The following PKHD1L1 variants were observed in gnomAD, a reference collection of about 807,000 sequenced individuals.
PKHD1L1 encodes the protein fibrocystin-L.
Under a neutral mutation model 462.9 loss-of-function variants are expected in PKHD1L1, and 434 were observed. The ratio of observed to expected loss-of-function variants is 0.94; its 90% CI spans 0.87 to 1.02. PKHD1L1 has a LOEUF of 1.02. Among genes scored for constraint, PKHD1L1 ranks in the 50% least tolerant of loss-of-function variants. The probability of loss-of-function intolerance (pLI) is 0.00; values close to 1 mark genes in which losing one functional copy is unlikely to be tolerated. For missense variants in PKHD1L1, 5,202 were observed against 5,096.1 expected (o/e 1.02, Z -0.63); for synonymous variants, 1,781 against 1,750.0 (o/e 1.02, Z -0.44).
chr8:109,373,808 A>G (rs554242521), intron 2 of PKHD1L1, among the ~76,000 whole-genome samples: 1 of 151,972 alleles, frequency 6.6e-6, no homozygotes, highest in Non-Finnish European at 1.5e-5. Context: ...CATGTAGTTG[A>G]GTGGTTTTGA....
intron 73 of PKHD1L1, among the ~76,000 whole-genome samples, 168 bp downstream of exon 73, chr8:109,518,676 C>T (rs949713751): frequency 1.6e-4 from 24 of 152,126 alleles, no homozygotes; most frequent in African/African-American, 5.1e-4. Context: ...CCTGTACTAC[C>T]AAACTGTTTT....
chr8:109,370,858 A>G (rs1178016264), intron 2 of PKHD1L1, among the ~76,000 whole-genome samples: 1 of 152,192 alleles, frequency 6.6e-6, no homozygotes, highest in Non-Finnish European at 1.5e-5. Context: ...TTATGGCTGC[A>G]TAGTATTCCA....
intron 68 of PKHD1L1, among the ~76,000 whole-genome samples, chr8:109,506,072 AT>A (rs1410277250): frequency 6.6e-6 from 1 of 152,186 alleles, no homozygotes; most frequent in East Asian, 1.9e-4. Flanking sequence ...ATTAGCTCTT[AT>A]TTAGTTGTCA....
Position 109,491,091 on chromosome 8 carries a change from A to G in PKHD1L1, c.10104A>G (p.Thr3368=). Residue 3368 remains threonine, a synonymous_variant, in exon 61 of 78, where the codon ACA becomes ACG. Coordinates refer to ENST00000378402, the MANE Select transcript of PKHD1L1 (RefSeq NM_177531.6). ...TAGATGACAACATCATTCACTTTAC[A>G]GTGGGGGAAGGTAATATAATAATAT... ...LDIDDNIIHF[T]VGEGIRIWGN... 1 of 1,608,164 alleles carries G rather than the reference A, an allele frequency of 6.2e-7. No homozygotes were observed.
At chr8:109,526,148 C>T (rs751904352) in intron 76 of PKHD1L1, among the ~76,000 whole-genome samples, 1 of 152,154 alleles carries the variant, frequency 6.6e-6, no homozygotes, top group Non-Finnish European at 1.5e-5. Flanking sequence ...AGCTCTTTAA[C>T]ATTTTTACAT....
In PKHD1L1 at chr8:109,459,594, G is replaced by T; in HGVS notation, c.7005-1G>T. ...AAATTTTTTTGTCAAAATTTTTACA[G>T]ACACAGTCAAGGAGAGAATGAAAAA... is the stretch of plus-strand genomic sequence containing the variant. On this transcript the variant is annotated splice_acceptor_variant, in intron 46 of 77. Transcript: ENST00000378402. LOFTEE classifies it high-confidence loss of function. 6.6e-7 allele frequency: 1 copy of T among 1,505,304 alleles called. No individual in the cohort carries two copies. Among genetic ancestry groups the T allele is most frequent in the Non-Finnish European group, 8.9e-7 (1 of 1,125,748 alleles). 93.2% of individuals were successfully genotyped at this position (1,505,304 alleles called of 1,614,324 possible). A position where few individuals can be genotyped will look rare whatever the true frequency, so the allele number is the denominator to read the frequency against.
intron 20 of PKHD1L1, 126 bp downstream of exon 20, chr8:109,412,540 G>A (rs942329900): frequency 4.3e-5 from 42 of 979,744 alleles, no homozygotes; most frequent in Middle Eastern, 3.4e-4. Context: ...AACAGGCACC[G>A]AAGTGTACAT....
At chr8:109,472,026 G>C (rs933654705) in intron 50 of PKHD1L1, among the ~76,000 whole-genome samples, 2 of 151,858 alleles carry the variant, frequency 1.3e-5, no homozygotes, top group Admixed American at 1.3e-4. Flanking sequence ...GATCTACAAA[G>C]AAAAATTAAT....
chr8:109,433,414 T>C (rs1168024634), intron 28 of PKHD1L1, among the ~76,000 whole-genome samples, 198 bp downstream of exon 28: 1 of 152,234 alleles, frequency 6.6e-6, no homozygotes, highest in African/African-American at 2.4e-5. Flanking sequence ...ACAGACTATT[T>C]CATTGTTGTA....
chr8:109,425,564 A>G (rs1306006317), intron 24 of PKHD1L1, among the ~76,000 whole-genome samples: 1 of 152,070 alleles, frequency 6.6e-6, no homozygotes, highest in Non-Finnish European at 1.5e-5. Context: ...AAAGTCTGCA[A>G]AAATTTATAA....
rs192292095 is a variant in PKHD1L1, at chr8:109,533,508, A to G, written c.*3418A>G. Among the ~76,000 whole-genome samples the G allele has an allele frequency of 8.5e-5, 13 of 152,372 alleles. 1 individual carries two copies. Among genetic ancestry groups the G allele is most frequent in the Admixed American group, 6.5e-4 (10 of 15,304 alleles). On this transcript the variant is annotated 3_prime_UTR_variant, in exon 78 of 78. Coordinates refer to ENST00000378402, the MANE Select transcript of PKHD1L1 (RefSeq NM_177531.6). ...TTATTGGCTGGGCACTGGGCCACCTAGAACAAAGACAATTTCCCAGCTTCA... is the reference window on the plus strand; with the variant it reads ...TTATTGGCTGGGCACTGGGCCACCTGGAACAAAGACAATTTCCCAGCTTCA...
chr8:109,498,514 C>T lies in PKHD1L1; in HGVS notation c.10652C>T (p.Thr3551Ile). 6.2e-7 allele frequency: 1 copy of T among 1,613,836 alleles called. No individual in the cohort carries two copies. Among genetic ancestry groups the T allele is most frequent in the Non-Finnish European group, 8.5e-7 (1 of 1,179,746 alleles). ...GGGTTTAATTGCTCTGATGTCCTAACTAATGATGATCCTAATATTGAACTC... is the reference window on the plus strand; with the variant it reads ...GGGTTTAATTGCTCTGATGTCCTAATTAATGATGATCCTAATATTGAACTC... ...SPGFNCSDVL[T>I]NDDPNIELTA... The change falls in exon 66 of 78, where the codon ACT becomes ATT. Residue 3551 changes from threonine (T) to isoleucine (I), a missense_variant. Thr to Ile is a moderately conservative substitution (Grantham distance 89, BLOSUM62 -1). Coordinates refer to ENST00000378402, the MANE Select transcript of PKHD1L1 (RefSeq NM_177531.6).
chr8:109,427,151 C>T lies in PKHD1L1; in HGVS notation c.2995C>T (p.Leu999=). The T allele has an allele frequency of 2.5e-6, 4 of 1,612,806 alleles. No individual in the cohort carries two copies. The South Asian group carries it at 4.4e-5, about 18-fold the overall frequency. The change falls in exon 25 of 78, where the codon CTA becomes TTA. Residue 999 remains leucine, a synonymous_variant. Coordinates refer to ENST00000378402, the MANE Select transcript of PKHD1L1 (RefSeq NM_177531.6). ...AAGCACCTGCGGAAAGCAGAATCTTCTACAGGTTCCCTCATTTGGCTTGGC... is the reference window on the plus strand; with the variant it reads ...AAGCACCTGCGGAAAGCAGAATCTTTTACAGGTTCCCTCATTTGGCTTGGC... ...WRSTCGKQNL[L]QINDSNIIGE... is the part of the protein sequence containing the mutation.
chr8:109,488,640 C>G (rs961111063), intron 59 of PKHD1L1, among the ~76,000 whole-genome samples: 1 of 151,904 alleles, frequency 6.6e-6, no homozygotes, highest in African/African-American at 2.4e-5. Context: ...TTTCGTTTTG[C>G]AACAGATCTA....
At chr8:109,452,094 T>C (rs778907446) in intron 41 of PKHD1L1, 30 bp from the exon 42 acceptor site, 3 of 1,595,098 alleles carry the variant, frequency 1.9e-6, no homozygotes, top group Admixed American at 1.7e-5. Context: ...GAGAAAAACA[T>C]ACATGTTATG....
chr8:109,460,517 C>T (rs1446812734), intron 47 of PKHD1L1, among the ~76,000 whole-genome samples: 3 of 151,956 alleles, frequency 2.0e-5, no homozygotes, highest in African/African-American at 7.3e-5. Flanking sequence ...GTATTTTGGC[C>T]CAGATAATTC....
intron 57 of PKHD1L1, among the ~76,000 whole-genome samples, chr8:109,483,995 A>C (rs1818402363): frequency 1.3e-5 from 2 of 151,866 alleles, no homozygotes; most frequent in East Asian, 3.9e-4. Flanking sequence ...GATGGATTTC[A>C]TCTCCAAGCT....
At chr8:109,477,192 T>C in intron 52 of PKHD1L1, 33 bp from the exon 53 acceptor site, 1 of 1,609,692 alleles carries the variant, frequency 6.2e-7, no homozygotes, top group Non-Finnish European at 8.5e-7. Context: ...TTGGTCACTA[T>C]GTTCATTTAA....
chr8:109,407,821 A>T (rs1156334532), intron 17 of PKHD1L1, among the ~76,000 whole-genome samples: 1 of 152,126 alleles, frequency 6.6e-6, no homozygotes, highest in East Asian at 1.9e-4. Context: ...ACAGCACCTT[A>T]AATATATAGC....
Sources: gnomAD v4.1 joint callset for allele counts (sites outside exome capture counted in the v4.1 genomes callset) on GRCh38, gnomAD v4.1.1 for gene constraint, MANE v1.5 for transcripts, NCBI Gene and HGNC (gene_info 2026-07-23, HGNC 2026-07-21) for gene names.